Variants in GNA15 observed in about 807,000 individuals in gnomAD.
GNA15 encodes the protein guanine nucleotide-binding protein subunit alpha-15.
GNA15 carries 23 observed loss-of-function variants against 40.1 expected under a neutral mutation model. That is an observed-to-expected ratio of 0.57 (90% CI 0.41 to 0.81). The LOEUF (loss-of-function observed/expected upper bound fraction) is 0.81. Among genes scored for constraint, GNA15 ranks in the 40% least tolerant of loss-of-function variants. The probability of loss-of-function intolerance (pLI) is 0.00; values close to 1 mark genes in which losing one functional copy is unlikely to be tolerated. For synonymous variants in GNA15, 226 were observed against 210.4 expected (o/e 1.07, Z -0.64); for missense variants, 522 against 515.8 (o/e 1.01, Z -0.12).
intron 3 of GNA15, among the ~76,000 whole-genome samples, chr19:3,150,511 G>C (rs1914855077): frequency 6.6e-6 from 1 of 152,110 alleles, no homozygotes; most frequent in African/African-American, 2.4e-5. Flanking sequence ...CTTGTTCCTG[G>C]GTGGACCCTG....
In GNA15 at chr19:3,157,800, A is replaced by G. The variant is rs1173531250; in HGVS notation, c.817A>G (p.Ile273Val). The stretch of plus-strand genomic sequence containing the variant: ...ACCCTGGTTCAAAAGCACATCCGTC[A>G]TCCTCTTTCTCAACAAAACCGACAT... ...ELPWFKSTSV[I>V]LFLNKTDILE... The change falls in exon 6 of 7, where the codon ATC (isoleucine) becomes GTC (valine). Residue 273 changes from isoleucine to valine, a missense_variant. By Grantham distance (29) the Ile-to-Val change is conservative (BLOSUM62 3). Transcript: ENST00000262958. 1 of 1,613,490 alleles carries G rather than the reference A, an allele frequency of 6.2e-7. No homozygotes were observed. Among genetic ancestry groups the G allele is most frequent in the South Asian group, 1.1e-5 (1 of 91,074 alleles).
chr19:3,161,850 T>G (rs1915143795), intron 6 of GNA15, among the ~76,000 whole-genome samples: 1 of 151,962 alleles, frequency 6.6e-6, no homozygotes, highest in African/African-American at 2.4e-5. Flanking sequence ...CTGGCCAACA[T>G]GGCAAAGCCC....
chr19:3,157,196 A>G (rs1024416368), intron 5 of GNA15, among the ~76,000 whole-genome samples: 1 of 151,910 alleles, frequency 6.6e-6, no homozygotes, highest in Non-Finnish European at 1.5e-5. Context: ...ACGGGGTTTC[A>G]CCATGTTAGC....
chr19:3,148,554 C>G (rs111452853), intron 1 of GNA15, 37 bp from the exon 2 acceptor site: 148,541 of 1,512,652 alleles, frequency 0.098, 8,197 homozygotes, highest in Non-Finnish European at 0.11. Flanking sequence ...GTGGGAGTCC[C>G]GTGGAGGGCT....
At position 3,148,748 on chromosome 19, in the gene GNA15, G is replaced by A; in HGVS notation, c.303G>A (p.Gln101=). 1.2e-6 allele frequency: 2 copies of A among 1,602,994 alleles called. No individual in the cohort carries two copies. Among genetic ancestry groups the A allele is most frequent in the Non-Finnish European group, 1.7e-6 (2 of 1,175,380 alleles). Residue 101 remains glutamine (Q), a synonymous_variant, in exon 2 of 7, where the codon CAG becomes CAA. Coordinates refer to ENST00000262958, the MANE Select transcript of GNA15 (RefSeq NM_002068.4). ...TGATCGAGGCCATGGAGCGGCTGCA[G>A]ATTCCATTCAGCAGGCCCGAGAGCA... The part of the protein sequence containing the change: ...RAMIEAMERL[Q]IPFSRPESKH...
intron 2 of GNA15, chr19:3,149,338 C>T (rs1422747821): frequency 6.2e-6 from 1 of 162,578 alleles, no homozygotes; most frequent in East Asian, 1.8e-4. Flanking sequence ...CCCACATGCA[C>T]ACACACACAT....
chr19:3,148,451 T>C, intron 1 of GNA15, 140 bp from the exon 2 acceptor site: 2 of 744,756 alleles, frequency 2.7e-6, no homozygotes. Flanking sequence ...TAGCCTAGGG[T>C]CACTGAGTGA....
chr19:3,156,413 A>C (rs1915024389), intron 5 of GNA15, among the ~76,000 whole-genome samples: 1 of 122,486 alleles, frequency 8.2e-6, no homozygotes, highest in South Asian at 2.3e-4. Context: ...ACATGCGCAC[A>C]CACATGAACA....
At chr19:3,156,400 TACACATGCGCAC>T (rs1037235587) in intron 5 of GNA15, among the ~76,000 whole-genome samples, 3 of 149,636 alleles carry the variant, frequency 2.0e-5, no homozygotes, top group Non-Finnish European at 4.4e-5. Context: ...CACGCATATG[TACACATGCGCAC>T]ACACATGAAC....
chr19:3,149,044 C>A (rs1376903022), intron 2 of GNA15: 18 of 461,898 alleles, frequency 3.9e-5, no homozygotes, highest in Non-Finnish European at 6.7e-5. Context: ...CACACACGTA[C>A]ATGCTCACAA....
At position 3,151,623 on chromosome 19, in the gene GNA15, G is replaced by A. The variant is rs1914882804; in HGVS notation, c.486-84G>A. On this transcript the variant is annotated intron_variant, in intron 3 of 6. Transcript: ENST00000262958. The surrounding 1 kb of genome is among the most constrained non-coding windows in gnomAD (Gnocchi z 5.0). ...CCAGGGAGCTCTCCTCCCCCAGCAG[G>A]GTCCTTGCTGGGCCTTTCGTAGGGC... is the stretch of plus-strand genomic sequence containing the variant. 1.4e-6 allele frequency: 2 copies of A among 1,438,948 alleles called. No individual in the cohort carries two copies. Among genetic ancestry groups the A allele is most frequent in the Admixed American group, 2.6e-5 (1 of 39,146 alleles). The allele number at this position is 1,438,948 out of a possible 1,614,324, so 89.1% of individuals were successfully genotyped here. A position where few individuals can be genotyped will look rare whatever the true frequency, so the allele number is the denominator to read the frequency against.
intron 4 of GNA15, among the ~76,000 whole-genome samples, chr19:3,153,479 T>C (rs1042099003): frequency 6.7e-6 from 1 of 149,752 alleles, no homozygotes; most frequent in Admixed American, 6.7e-5. Context: ...GATGGATGGA[T>C]GGATGGATGG....
At position 3,155,571 on chromosome 19, in the gene GNA15, A is replaced by G. The variant is rs115754349; in HGVS notation, c.615-252A>G. Among the ~76,000 whole-genome samples the G allele has an allele frequency of 2.4e-3, 368 of 152,290 alleles. 3 individuals carry two copies. The highest frequency in any genetic ancestry group is 8.5e-3 in the African/African-American group (355 of 41,566). ...TGCTCCCCTCTAATATGGGGGTAGAAAGCAGGCAGCCCAGCACAGTAGAAG... is the reference window on the plus strand; with the variant it reads ...TGCTCCCCTCTAATATGGGGGTAGAGAGCAGGCAGCCCAGCACAGTAGAAG... On this transcript the variant is annotated intron_variant, in intron 4 of 6. Transcript: ENST00000262958. The surrounding 1 kb of genome is among the most constrained non-coding windows in gnomAD (Gnocchi z 5.6).
chr19:3,138,721 C>T (rs540479219), intron 1 of GNA15, among the ~76,000 whole-genome samples: 1 of 152,110 alleles, frequency 6.6e-6, no homozygotes, highest in South Asian at 2.1e-4. Context: ...ACCTCCGCCT[C>T]CCGGGTTCAA....
intron 1 of GNA15, among the ~76,000 whole-genome samples, chr19:3,144,660 C>G (rs912466786): frequency 6.6e-6 from 1 of 150,984 alleles, no homozygotes; most frequent in African/African-American, 2.4e-5. Context: ...TCCCAAGTAG[C>G]TGGAACTACA....
chr19:3,160,937 CTT>C (rs149959587), intron 6 of GNA15, among the ~76,000 whole-genome samples: 2,713 of 101,510 alleles, frequency 0.027, 65 homozygotes, highest in African/African-American at 0.11. Context: ...GGTATGACCA[CTT>C]TTTTTTTTTT....
intron 5 of GNA15, among the ~76,000 whole-genome samples, chr19:3,156,220 ACATACACAATG>A (rs1325092622): frequency 6.6e-5 from 10 of 151,242 alleles, no homozygotes; most frequent in South Asian, 2.1e-4. Flanking sequence ...GCACACACGC[ACATACACAATG>A]CATGCACACA....
chr19:3,136,660 C>A lies in GNA15; in HGVS notation c.145+65C>A. ...GGCGGTGGCCAGCCGGCAGGGGTGT[C>A]GGGGCAAGGAGGCGGATCAGGCTAG... On this transcript the variant is annotated intron_variant, in intron 1 of 6. Transcript: ENST00000262958. This position sits in a 1 kb window ranked among gnomAD's most constrained non-coding sequence, Gnocchi z 4.9. 2.1e-6 allele frequency: 3 copies of A among 1,445,864 alleles called. No individual in the cohort carries two copies. Among genetic ancestry groups the A allele is most frequent in the Non-Finnish European group, 2.8e-6 (3 of 1,059,358 alleles). The allele number at this position is 1,445,864 out of a possible 1,614,324, so 89.6% of individuals were successfully genotyped here.
chr19:3,137,870 A>T (rs565061085), intron 1 of GNA15, among the ~76,000 whole-genome samples: 25 of 152,130 alleles, frequency 1.6e-4, no homozygotes, highest in Admixed American at 1.4e-3. Context: ...CTGAGGCATG[A>T]GAATCGCTTG....
Sources: allele counts gnomAD v4.1 joint callset (sites outside exome capture counted in the v4.1 genomes callset), GRCh38; gene constraint gnomAD v4.1.1; non-coding constraint Gnocchi (gnomAD v3.1); transcripts MANE v1.5; gene names NCBI Gene and HGNC (gene_info 2026-07-23, HGNC 2026-07-21).